The following DMGDH variants were observed in gnomAD, a reference collection of about 807,000 sequenced individuals.
DMGDH encodes dimethylglycine dehydrogenase, mitochondrial.
In DMGDH, 76 loss-of-function variants were observed where a neutral mutation model predicts 95.2. The ratio of observed to expected loss-of-function variants is 0.80; its 90% CI spans 0.66 to 0.97. The LOEUF is 0.97. DMGDH is among the 50% of genes least tolerant of loss of function. The pLI is 0.00. For missense variants in DMGDH, 987 were observed against 1,055.0 expected, an observed-to-expected ratio of 0.94 and a Z score of 0.89; for synonymous variants, 345 against 377.6, an observed-to-expected ratio of 0.91 and a Z score of 1.00.
chr5:79,055,944 A>G, intron 2 of DMGDH, 36 bp from the exon 3 acceptor site: 1 of 1,353,678 alleles, frequency 7.4e-7, no homozygotes, highest in Non-Finnish European at 1.1e-6. Context: ...ACTGAAAAAA[A>G]ATTAACATTC....
intron 3 of DMGDH, among the ~76,000 whole-genome samples, 165 bp from the exon 4 acceptor site, chr5:79,054,513 C>T (rs1036062936): frequency 6.6e-6 from 1 of 152,182 alleles, no homozygotes; most frequent in African/African-American, 2.4e-5. Flanking sequence ...ACTTATTCAG[C>T]AACTACCATA....
chr5:79,011,057 T>C (rs1282139547), intron 14 of DMGDH, among the ~76,000 whole-genome samples: 2 of 152,218 alleles, frequency 1.3e-5, no homozygotes, highest in Admixed American at 1.3e-4. Context: ...CTGAACTTTC[T>C]TCACTCAGTT....
At chr5:79,067,508 C>T (rs1375470850) in intron 1 of DMGDH, among the ~76,000 whole-genome samples, 3 of 152,164 alleles carry the variant, frequency 2.0e-5, no homozygotes, top group Non-Finnish European at 4.4e-5. Context: ...TTTGAGTCCC[C>T]AATCCAACTG....
chr5:79,055,994 T>C, intron 2 of DMGDH, 86 bp from the exon 3 acceptor site: 13 of 927,418 alleles, frequency 1.4e-5, no homozygotes, highest in South Asian at 1.3e-4. Flanking sequence ...AATAATTTAA[T>C]GCTGGAAAGA....
chr5:79,062,205 T>A (rs1461053986), intron 2 of DMGDH, among the ~76,000 whole-genome samples: 1 of 151,896 alleles, frequency 6.6e-6, no homozygotes, highest in African/African-American at 2.4e-5. Flanking sequence ...TCCTCCTCCA[T>A]CATTTTGCAT....
At chr5:79,052,853 T>G (rs1237498867) in intron 4 of DMGDH, among the ~76,000 whole-genome samples, 6 of 152,178 alleles carry the variant, frequency 3.9e-5, no homozygotes, top group Non-Finnish European at 8.8e-5. Context: ...GCCAGCAGCC[T>G]GTGAAGACTC....
intron 14 of DMGDH, among the ~76,000 whole-genome samples, chr5:79,008,389 T>C (rs1228554759): frequency 6.6e-6 from 1 of 152,208 alleles, no homozygotes; most frequent in Admixed American, 6.5e-5. Context: ...CCACAGATAC[T>C]GGATTTGGAG....
chr5:79,039,412 A>T (rs1341581421), intron 7 of DMGDH, among the ~76,000 whole-genome samples: 1 of 152,040 alleles, frequency 6.6e-6, no homozygotes, highest in Non-Finnish European at 1.5e-5. Flanking sequence ...TTGTAGGGAC[A>T]TGGATGAAAT....
At chr5:79,055,416 T>C (rs923183545) in intron 3 of DMGDH, among the ~76,000 whole-genome samples, 2 of 152,168 alleles carry the variant, frequency 1.3e-5, no homozygotes, top group Non-Finnish European at 2.9e-5. Flanking sequence ...GGGATAAACA[T>C]GAAAGTGAGG....
intron 5 of DMGDH, among the ~76,000 whole-genome samples, chr5:79,049,704 G>C (rs1245241306): frequency 6.6e-6 from 1 of 152,224 alleles, no homozygotes; most frequent in African/African-American, 2.4e-5. Context: ...GACATTAAGA[G>C]AGGATAGTGT....
rs772825572 is a variant in DMGDH, at chr5:79,032,799, G to T, written c.1405C>A (p.Gln469Lys). 7 of 1,614,060 alleles carry T rather than the reference G, an allele frequency of 4.3e-6. No individual in the cohort carries two copies. In the Admixed American group the frequency reaches 5.0e-5, roughly 12 times the overall value. Residue 469 changes from glutamine to lysine, a missense_variant, in exon 9 of 16, where the codon CAA (glutamine) becomes AAA (lysine). Gln to Lys is a moderately conservative substitution (Grantham distance 53). Transcript: ENST00000255189. ...KEERFAGRPTQRVSGLYQRLE... is the reference protein window; with the variant it reads ...KEERFAGRPTKRVSGLYQRLE... ...CTTTGATAGAGCCCACTGACTCGTT[G>T]AGTCGGCCTCCCAGCAAACCGTTCT...
At chr5:79,054,652 A>T (rs1754969343) in intron 3 of DMGDH, among the ~76,000 whole-genome samples, 3 of 152,220 alleles carry the variant, frequency 2.0e-5, no homozygotes, top group Admixed American at 2.0e-4. Flanking sequence ...GCTAAATGCA[A>T]AATCACAGTA....
At chr5:79,006,398 G>A (rs868283055) in intron 14 of DMGDH, among the ~76,000 whole-genome samples, 2 of 152,274 alleles carry the variant, frequency 1.3e-5, no homozygotes, top group South Asian at 4.1e-4. Flanking sequence ...CACATGATAA[G>A]TGTGATAAAC....
intron 14 of DMGDH, among the ~76,000 whole-genome samples, chr5:79,016,234 C>CA (rs1175303913): frequency 2.1e-3 from 231 of 112,156 alleles, no homozygotes; most frequent in South Asian, 0.012. Flanking sequence ...GAGACTCCAT[C>CA]AAAAAAAAAA....
chr5:79,006,378 T>C (rs925176401), intron 14 of DMGDH, among the ~76,000 whole-genome samples: 1 of 152,094 alleles, frequency 6.6e-6, no homozygotes, highest in African/African-American at 2.4e-5. Context: ...CTCAACCAAA[T>C]GCCAGGAGAC....
intron 14 of DMGDH, among the ~76,000 whole-genome samples, chr5:79,012,165 C>T (rs1472673225): frequency 6.6e-6 from 1 of 152,208 alleles, no homozygotes; most frequent in Non-Finnish European, 1.5e-5. Context: ...GATACAAGCA[C>T]TGGGTAAACA....
At chr5:79,019,302 G>C (rs1753805803) in intron 14 of DMGDH, among the ~76,000 whole-genome samples, 1 of 152,074 alleles carries the variant, frequency 6.6e-6, no homozygotes, top group African/African-American at 2.4e-5. Flanking sequence ...AGCTGGAATA[G>C]GCTCTAGATC....
chr5:79,037,906 G>T (rs1013645067), intron 7 of DMGDH, among the ~76,000 whole-genome samples: 2 of 152,120 alleles, frequency 1.3e-5, no homozygotes, highest in East Asian at 3.8e-4. Context: ...ACAAATCATT[G>T]TTCAAAGACA....
intron 15 of DMGDH, among the ~76,000 whole-genome samples, chr5:79,004,805 CTTTAT>C (rs2112599169): frequency 6.6e-6 from 1 of 152,282 alleles, no homozygotes; most frequent in African/African-American, 2.4e-5. Context: ...CCACTTTTCA[CTTTAT>C]TTTCTAAGGT....
Sources: gnomAD v4.1 joint callset for allele counts (sites outside exome capture counted in the v4.1 genomes callset) on GRCh38, gnomAD v4.1.1 for gene constraint, MANE v1.5 for transcripts, NCBI Gene and HGNC (gene_info 2026-07-23, HGNC 2026-07-21) for gene names.